The following SLC12A3 variants were observed in gnomAD, a reference collection of about 807,000 sequenced individuals.
The protein encoded by SLC12A3 is solute carrier family 12 member 3, also known as Na-Cl cotransporter.
In SLC12A3, 104 loss-of-function variants were observed where a neutral mutation model predicts 121.0. That is an observed-to-expected ratio of 0.86 (90% CI 0.73 to 1.01). The LOEUF is 1.01. Among genes scored for constraint, SLC12A3 ranks in the 50% least tolerant of loss-of-function variants. SLC12A3 has a pLI of 0.00. For synonymous variants in SLC12A3, 536 were observed against 533.4 expected (o/e 1.00, Z -0.07); for missense variants, 1,328 against 1,356.3 (o/e 0.98, Z 0.33).
intron 25 of SLC12A3, among the ~76,000 whole-genome samples, chr16:56,911,558 C>A (rs1462196703): frequency 1.3e-5 from 2 of 152,198 alleles, no homozygotes; most frequent in East Asian, 3.8e-4. Context: ...CTCCTGGGCT[C>A]AAGTGATCTG....
In SLC12A3 at chr16:56,892,910, C is replaced by T. The variant is rs369171651; in HGVS notation, c.2420-43C>T. ...GCCCTGGGCCAGGCCTGCCTGGATGCGCGGCTGCTGGCTCTGCTCTGACCC... is the reference window on the plus strand; with the variant it reads ...GCCCTGGGCCAGGCCTGCCTGGATGTGCGGCTGCTGGCTCTGCTCTGACCC... On this transcript the variant is annotated intron_variant, in intron 20 of 25. Transcript: ENST00000563236. 169 of 1,535,856 alleles carry T rather than the reference C, an allele frequency of 1.1e-4. No individual in the cohort carries two copies. The African/African-American group carries it at 1.7e-3, about 15-fold the overall frequency.
rs35005216 is a variant in SLC12A3, at chr16:56,867,094, C to T, written c.307C>T (p.Leu103=). ...GCAGGAAGGCAGACACCTGCATGCC[C>T]TGGCCTTTGACAGCCGGCCCAGCCA... is the stretch of plus-strand genomic sequence containing the variant. ...LKQEGRHLHA[L]AFDSRPSHEM... The change falls in exon 2 of 26, where the codon CTG becomes TTG. Residue 103 remains leucine, a synonymous_variant. Transcript: ENST00000563236. The T allele has an allele frequency of 4.6e-4, 737 of 1,613,676 alleles. 4 individuals carry two copies. In the African/African-American group the frequency reaches 9.0e-3, roughly 20 times the overall value.
intron 25 of SLC12A3, among the ~76,000 whole-genome samples, chr16:56,909,101 TAA>T (rs1332975698): frequency 6.6e-6 from 1 of 152,210 alleles, no homozygotes; most frequent in Non-Finnish European, 1.5e-5. Flanking sequence ...GCTGTGATTC[TAA>T]GTTTATTTGT....
At chr16:56,872,891 G>T (rs1342179909) in intron 8 of SLC12A3, 105 bp downstream of exon 8, 1 of 1,480,556 alleles carries the variant, frequency 6.8e-7, no homozygotes, top group African/African-American at 1.4e-5. Flanking sequence ...TGGGAGGCAG[G>T]GCTTCTAAAA....
chr16:56,865,409 C>T lies in SLC12A3; in HGVS notation c.174C>T (p.Tyr58=). ...SSTFCMRTFG[Y]NTIDVVPTYE... is the part of the protein sequence containing the mutation. ...CCTTCTGCATGCGCACCTTTGGCTACAACACGATCGATGTGGTGCCCACAT... is the reference window on the plus strand; with the variant it reads ...CCTTCTGCATGCGCACCTTTGGCTATAACACGATCGATGTGGTGCCCACAT... The change falls in exon 1 of 26, where the codon TAC becomes TAT. Residue 58 remains tyrosine (Y), a synonymous_variant. Coordinates refer to ENST00000563236, the MANE Select transcript of SLC12A3 (RefSeq NM_001126108.2). 1 of 1,614,230 alleles carries T rather than the reference C, an allele frequency of 6.2e-7. No homozygotes were observed. The highest frequency in any genetic ancestry group is 8.5e-7 in the Non-Finnish European group (1 of 1,180,044).
Position 56,870,636 on chromosome 16 carries a change from C to T in SLC12A3, c.752C>T (p.Ala251Val). The change falls in exon 6 of 26, where the codon GCA becomes GTA. Residue 251 changes from alanine to valine, a missense_variant. Physicochemically the swap from Ala to Val is moderately conservative, Grantham distance 64 (BLOSUM62 0). Coordinates refer to ENST00000563236, the MANE Select transcript of SLC12A3 (RefSeq NM_001126108.2). ...TVRDLLQEYG[A>V]PIVDPINDIR... ...ATTTTCCCTCCCCAGGAGTATGGGG[C>T]ACCCATCGTGGACCCCATTAACGAC... 6.2e-7 allele frequency: 1 copy of T among 1,604,516 alleles called. No individual in the cohort carries two copies. The highest frequency in any genetic ancestry group is 8.5e-7 in the Non-Finnish European group (1 of 1,171,258).
intron 25 of SLC12A3, among the ~76,000 whole-genome samples, chr16:56,905,338 CAAA>C (rs59206129): frequency 5.9e-5 from 3 of 50,762 alleles, no homozygotes; most frequent in Non-Finnish European, 8.2e-5. Context: ...AACTCCGTCT[CAAA>C]AAAAAAAAAA....
chr16:56,910,440 A>C (rs1322709062), intron 25 of SLC12A3, among the ~76,000 whole-genome samples: 6 of 152,188 alleles, frequency 3.9e-5, no homozygotes, highest in Non-Finnish European at 1.5e-5. Flanking sequence ...GGACTCAAAC[A>C]ATCCTCCTAC....
At chr16:56,906,891 A>G in intron 25 of SLC12A3, 1 of 555,434 alleles carries the variant, frequency 1.8e-6, no homozygotes, top group African/African-American at 1.9e-5. Flanking sequence ...AGTTAAGGGG[A>G]CTGTAAAGGC....
At chr16:56,872,596 C>T (rs2055112547) in intron 7 of SLC12A3, 60 bp from the exon 8 acceptor site, 1 of 1,613,060 alleles carries the variant, frequency 6.2e-7, no homozygotes, top group African/African-American at 1.3e-5. Flanking sequence ...CCCAGTGGGT[C>T]CCAGCAAGGG....
At chr16:56,904,507 A>G (rs1432327404) in intron 25 of SLC12A3, 45 bp downstream of exon 25, 43 of 1,581,590 alleles carry the variant, frequency 2.7e-5, no homozygotes, top group Non-Finnish European at 3.6e-5. Context: ...GTCCAGAGTC[A>G]GGTGTCTCAG....
chr16:56,867,384 G>A (rs550896231), intron 2 of SLC12A3, among the ~76,000 whole-genome samples, 168 bp downstream of exon 2: 1 of 152,206 alleles, frequency 6.6e-6, no homozygotes, highest in Non-Finnish European at 1.5e-5. Context: ...AAAGCCTGCC[G>A]GGGAGTAATT....
chr16:56,882,489 A>C lies in SLC12A3; in HGVS notation c.1661A>C (p.Asn554Thr). ...AGCTGCTTCCACGCCTCCATCACCA[A>C]CTCGCCTGGTAAGCAAACCCTTCAC... ...NFSCFHASIT[N>T]SPGWRPSFQY... Residue 554 changes from asparagine (N) to threonine (T), a missense_variant, in exon 13 of 26, where the codon AAC becomes ACC. Asn to Thr is a moderately conservative substitution (Grantham distance 65). Transcript: ENST00000563236. 1 of 1,612,740 alleles carries C rather than the reference A, an allele frequency of 6.2e-7. No homozygotes were observed. Among genetic ancestry groups the C allele is most frequent in the Non-Finnish European group, 8.5e-7 (1 of 1,179,052 alleles).
chr16:56,883,417 A>T (rs1444403449), intron 13 of SLC12A3, among the ~76,000 whole-genome samples: 1 of 150,592 alleles, frequency 6.6e-6, no homozygotes, highest in Non-Finnish European at 1.5e-5. Flanking sequence ...AGTAGCTGGG[A>T]TTACAGGCGC....
intron 18 of SLC12A3, among the ~76,000 whole-genome samples, chr16:56,888,402 T>A (rs1472176345): frequency 6.6e-6 from 1 of 152,106 alleles, no homozygotes; most frequent in African/African-American, 2.4e-5. Flanking sequence ...GGTAGCACCA[T>A]GAGTGAAGTG....
intron 8 of SLC12A3, among the ~76,000 whole-genome samples, chr16:56,877,222 T>C (rs556984790): frequency 6.6e-6 from 1 of 152,106 alleles, no homozygotes; most frequent in East Asian, 1.9e-4. Flanking sequence ...TGAAACCCCG[T>C]CTCTACTAAA....
At position 56,899,626 on chromosome 16, in the gene SLC12A3, G is replaced by A; in HGVS notation, c.2720+10G>A. 1.2e-6 allele frequency: 2 copies of A among 1,608,040 alleles called. No individual in the cohort carries two copies. Among genetic ancestry groups the A allele is most frequent in the Non-Finnish European group, 1.7e-6 (2 of 1,174,398 alleles). The stretch of plus-strand genomic sequence containing the variant: ...ACCCTCGGGCTGAGCAGTAAGTTCT[G>A]TTTTGGGGCTTCCAGGCAGAAGGGC... On this transcript the variant is annotated intron_variant, in intron 23 of 25. Coordinates refer to ENST00000563236, the MANE Select transcript of SLC12A3 (RefSeq NM_001126108.2).
rs1964378031 is a variant in SLC12A3 at position 56,867,207 on chromosome 16, G to C, written c.420G>C (p.Lys140Asn). ...PEEPVRFGWV[K>N]GVMIRCMLNI... ...AGCCAGTGCGCTTCGGCTGGGTCAAGGGGGTGATGGTGAGTGGGGTGTGGG... is the reference window on the plus strand; with the variant it reads ...AGCCAGTGCGCTTCGGCTGGGTCAACGGGGTGATGGTGAGTGGGGTGTGGG... The change falls in exon 2 of 26, where the codon AAG becomes AAC. Residue 140 changes from lysine to asparagine, a missense_variant. Coordinates refer to ENST00000563236, the MANE Select transcript of SLC12A3 (RefSeq NM_001126108.2). 6.2e-7 allele frequency: 1 copy of C among 1,609,846 alleles called. No homozygotes were observed. The highest frequency in any genetic ancestry group is 1.1e-5 in the South Asian group (1 of 90,434).
At chr16:56,898,945 C>T (rs935850976) in intron 22 of SLC12A3, among the ~76,000 whole-genome samples, 5 of 152,154 alleles carry the variant, frequency 3.3e-5, no homozygotes, top group Admixed American at 6.5e-5. Context: ...CCAGACCAGC[C>T]GAATCAGAAT....
Sources: allele counts gnomAD v4.1 joint callset (sites outside exome capture counted in the v4.1 genomes callset), GRCh38; gene constraint gnomAD v4.1.1; transcripts MANE v1.5; gene names NCBI Gene and HGNC (gene_info 2026-07-23, HGNC 2026-07-21).